Variants in PRDM16 observed in about 807,000 individuals in gnomAD.
PRDM16 encodes PR/SET domain 16, also known as histone-lysine N-methyltransferase PRDM16.
PRDM16 carries 23 observed loss-of-function variants against 110.6 expected under a neutral mutation model. That is an observed-to-expected ratio of 0.21 (90% CI 0.15 to 0.29). The LOEUF (loss-of-function observed/expected upper bound fraction) is 0.29. Ranked by LOEUF, PRDM16 falls within the 10% of genes least tolerant of loss-of-function variation. The pLI, the probability that PRDM16 is intolerant of heterozygous loss-of-function variation, is 1.00. For synonymous variants in PRDM16, 799 were observed against 781.8 expected, an observed-to-expected ratio of 1.02 and a Z score of -0.37; for missense variants, 1,615 against 1,794.3, an observed-to-expected ratio of 0.90 and a Z score of 1.81.
rs1020177340 is a variant in PRDM16 at position 3,405,412 on chromosome 1, C to G, written c.1033-83C>G. On this transcript the variant is annotated intron_variant, in intron 7 of 16. Coordinates refer to ENST00000270722, the MANE Select transcript of PRDM16 (RefSeq NM_022114.4). ...GAGAGACAGGCAGGGCCCTGCCCCC[C>G]ACAGCCGGTTGGTCCGCCAGCCAGA... The G allele has an allele frequency of 2.8e-6, 4 of 1,439,932 alleles. No homozygotes were observed. The South Asian group carries it at 4.3e-5, about 16-fold the overall frequency. The allele number at this position is 1,439,932 out of a possible 1,614,324, so 89.2% of individuals were successfully genotyped here. A position where few individuals can be genotyped will look rare whatever the true frequency, so the allele number is the denominator to read the frequency against.
chr1:3,203,523 G>T (rs1398963164), intron 2 of PRDM16, among the ~76,000 whole-genome samples: 1 of 152,000 alleles, frequency 6.6e-6, no homozygotes. Flanking sequence ...GCCCCTGATG[G>T]AGGTGTTGGC....
Position 3,433,908 on chromosome 1 carries a change from GC to G in PRDM16, c.*99del. On this transcript the variant is annotated 3_prime_UTR_variant, in exon 17 of 17. Transcript: ENST00000270722. Reference sequence around the variant, plus strand: ...CCGGAGAACCCTGTCCCTGCGTGTGGCCACTCCTCAGCATCCTCCCCACCCA... The same window carrying G: ...CCGGAGAACCCTGTCCCTGCGTGTGGCACTCCTCAGCATCCTCCCCACCCA... 1 of 1,277,066 alleles carries G rather than the reference GC, an allele frequency of 7.8e-7. No individual in the cohort carries two copies. Among genetic ancestry groups the G allele is most frequent in the Non-Finnish European group, 1.1e-6 (1 of 922,714 alleles). The allele number at this position is 1,277,066 out of a possible 1,614,324, so 79.1% of individuals were successfully genotyped here.
intron 2 of PRDM16, among the ~76,000 whole-genome samples, chr1:3,242,699 G>T (rs1472451646): frequency 6.6e-6 from 1 of 152,252 alleles, no homozygotes; most frequent in African/African-American, 2.4e-5. Flanking sequence ...GGGAACGCCA[G>T]CTCGTCAATT....
At chr1:3,123,735 G>A (rs532101624) in intron 1 of PRDM16, among the ~76,000 whole-genome samples, 12 of 152,374 alleles carry the variant, frequency 7.9e-5, no homozygotes, top group East Asian at 1.9e-4. Flanking sequence ...TTTGCCTCCC[G>A]GTGGCCCGAG....
At chr1:3,275,032 C>G (rs999358328) in intron 3 of PRDM16, among the ~76,000 whole-genome samples, 14 of 152,334 alleles carry the variant, frequency 9.2e-5, no homozygotes, top group African/African-American at 3.1e-4. Flanking sequence ...TCTGAGCATC[C>G]CCCAGCCCAG....
chr1:3,321,124 G>T (rs190098002), intron 3 of PRDM16, among the ~76,000 whole-genome samples: 1,750 of 152,368 alleles, frequency 0.011, 128 homozygotes, highest in Admixed American at 0.1. Context: ...CACAAAGGAA[G>T]AGGAACAGAG....
At chr1:3,314,071 C>CGGGGG (rs747479644) in intron 3 of PRDM16, among the ~76,000 whole-genome samples, 47 of 100,296 alleles carry the variant, frequency 4.7e-4, no homozygotes, top group African/African-American at 1.3e-3. Context: ...CCTTCCCCAC[C>CGGGGG]GGGGGGGGGG....
At chr1:3,214,621 C>T (rs929925652) in intron 2 of PRDM16, among the ~76,000 whole-genome samples, 6 of 152,188 alleles carry the variant, frequency 3.9e-5, no homozygotes, top group African/African-American at 1.4e-4. Context: ...TGCTTGAGCT[C>T]AGGAGGCAGA....
chr1:3,333,857 C>G (rs1379890934), intron 3 of PRDM16, among the ~76,000 whole-genome samples: 2 of 152,214 alleles, frequency 1.3e-5, no homozygotes, highest in East Asian at 3.9e-4. Context: ...TCCCTCTTGC[C>G]CACTCTATCA....
chr1:3,101,513 G>A (rs527477640), intron 1 of PRDM16, among the ~76,000 whole-genome samples: 115 of 152,340 alleles, frequency 7.5e-4, no homozygotes, highest in African/African-American at 2.5e-3. Flanking sequence ...GGCGGCCATC[G>A]GGGAAGGGGA....
chr1:3,408,515 CGTGTGT>C (rs199502546), intron 8 of PRDM16, among the ~76,000 whole-genome samples: 2 of 148,632 alleles, frequency 1.3e-5, no homozygotes, highest in African/African-American at 5.0e-5. Flanking sequence ...TGCACCGGTG[CGTGTGT>C]GTGTGAGAGC....
intron 2 of PRDM16, among the ~76,000 whole-genome samples, chr1:3,192,788 A>T (rs1309532006): frequency 6.6e-6 from 1 of 152,124 alleles, no homozygotes; most frequent in Non-Finnish European, 1.5e-5. Context: ...GGAAACCAAG[A>T]TCAACCCAGA....
intron 3 of PRDM16, among the ~76,000 whole-genome samples, chr1:3,300,609 G>A (rs749742983): frequency 3.9e-5 from 6 of 152,214 alleles, no homozygotes; most frequent in African/African-American, 4.8e-5. Context: ...CCTCGGAACC[G>A]CGGTGCAACT....
intron 3 of PRDM16, among the ~76,000 whole-genome samples, chr1:3,371,695 A>G (rs1420655323): frequency 1.3e-5 from 2 of 152,228 alleles, no homozygotes; most frequent in Admixed American, 6.5e-5. Flanking sequence ...ACCATCATCA[A>G]TTAGAGGAGA....
chr1:3,180,890 GGCCTCACACACGCAGTCTTACACGCA>G (rs1557507065), intron 1 of PRDM16, among the ~76,000 whole-genome samples: 3 of 146,552 alleles, frequency 2.0e-5, no homozygotes, highest in South Asian at 2.1e-4. Flanking sequence ...TCTTACACAC[GGCCTCACACACGCAGTCTTACACGCA>G]GCCTTACACA....
intron 1 of PRDM16, among the ~76,000 whole-genome samples, chr1:3,177,097 A>T (rs973467549): frequency 8.6e-5 from 13 of 151,998 alleles, no homozygotes; most frequent in Middle Eastern, 6.4e-3. Context: ...TCATCCACTT[A>T]TCTATGTATT....
chr1:3,170,122 C>A (rs577802829), intron 1 of PRDM16, among the ~76,000 whole-genome samples: 1 of 152,178 alleles, frequency 6.6e-6, no homozygotes, highest in Non-Finnish European at 1.5e-5. Flanking sequence ...CAGCTGAGCG[C>A]GGACGGGCTG....
chr1:3,390,857 CAG>C lies in PRDM16; in HGVS notation c.573+5574_573+5575del. Among the ~76,000 whole-genome samples, 2 of 132,912 alleles carry C rather than the reference CAG, an allele frequency of 1.5e-5. No homozygotes were observed. Among genetic ancestry groups the C allele is most frequent in the South Asian group, 5.0e-4 (2 of 3,972 alleles). The allele number at this position is 132,912 out of a possible 152,430, so 87.2% of individuals were successfully genotyped here. A position where few individuals can be genotyped will look rare whatever the true frequency, so the allele number is the denominator to read the frequency against. On this transcript the variant is annotated intron_variant, in intron 4 of 16. Coordinates refer to ENST00000270722, the MANE Select transcript of PRDM16 (RefSeq NM_022114.4). This position sits in a 1 kb window ranked among gnomAD's most constrained non-coding sequence, Gnocchi z 5.0. The stretch of plus-strand genomic sequence containing the variant: ...GTGTTTTTTTTTTTTTTTTTTTAGA[CAG>C]AGTTTCACTCTTGTTGCCCAGGCCA...
At position 3,246,876 on chromosome 1, in the gene PRDM16, C is replaced by T. The variant is rs535893621; in HGVS notation, c.438+2739C>T. ...AATTCAAAGGCAAAGTCTTCAGACT[C>T]GGGGGCCAGGAAGACCAGGACAGAC... On this transcript the variant is annotated intron_variant, in intron 3 of 16. Coordinates refer to ENST00000270722, the MANE Select transcript of PRDM16 (RefSeq NM_022114.4). The surrounding 1 kb of genome is among the most constrained non-coding windows in gnomAD (Gnocchi z 5.2). Among the ~76,000 whole-genome samples the T allele has an allele frequency of 2.0e-4, 31 of 152,186 alleles. No individual in the cohort carries two copies. In the South Asian group the frequency reaches 2.7e-3, roughly 13 times the overall value.
Sources: gnomAD v4.1 joint callset for allele counts (sites outside exome capture counted in the v4.1 genomes callset) on GRCh38, gnomAD v4.1.1 for gene constraint, Gnocchi (gnomAD v3.1) non-coding constraint, MANE v1.5 for transcripts, NCBI Gene and HGNC (gene_info 2026-07-23, HGNC 2026-07-21) for gene names.